Variants in GRIK3 observed in about 807,000 individuals in gnomAD.
GRIK3 encodes glutamate receptor ionotropic, kainate 3.
In GRIK3, 29 loss-of-function variants were observed where a neutral mutation model predicts 102.5. That is an observed-to-expected ratio of 0.28 (90% CI 0.21 to 0.39). The LOEUF is 0.39. Among genes scored for constraint, GRIK3 ranks in the 10% least tolerant of loss-of-function variants. The pLI is 1.00. For synonymous variants in GRIK3, 511 were observed against 504.9 expected, an observed-to-expected ratio of 1.01 and a Z score of -0.16; for missense variants, 908 against 1,252.4, an observed-to-expected ratio of 0.73 and a Z score of 4.15.
At chr1:36,981,006 C>A (rs1051954580) in intron 1 of GRIK3, among the ~76,000 whole-genome samples, 1 of 152,202 alleles carries the variant, frequency 6.6e-6, no homozygotes, top group African/African-American at 2.4e-5. Flanking sequence ...ATAGCTGAAA[C>A]ATACTGATTG....
chr1:36,879,585 T>C (rs1450144440), intron 3 of GRIK3, among the ~76,000 whole-genome samples: 1 of 152,142 alleles, frequency 6.6e-6, no homozygotes, highest in African/African-American at 2.4e-5. Flanking sequence ...ATCTGCTAGG[T>C]GTGTGCTCTG....
At chr1:36,964,463 C>T (rs968510140) in intron 1 of GRIK3, among the ~76,000 whole-genome samples, 15 of 152,310 alleles carry the variant, frequency 9.8e-5, no homozygotes, top group South Asian at 6.2e-4. Flanking sequence ...TAGACAAGTC[C>T]GGCCACTGGA....
At chr1:36,852,555 G>A (rs1244007756) in intron 8 of GRIK3, among the ~76,000 whole-genome samples, 5 of 152,230 alleles carry the variant, frequency 3.3e-5, no homozygotes, top group African/African-American at 1.2e-4. Context: ...GCAGGGCAGA[G>A]CTGTGCTTGG....
intron 4 of GRIK3, among the ~76,000 whole-genome samples, chr1:36,870,454 T>C (rs1207798252): frequency 6.6e-6 from 1 of 152,258 alleles, no homozygotes; most frequent in Non-Finnish European, 1.5e-5. Context: ...ATGACTATAA[T>C]GCATTTTCTA....
intron 1 of GRIK3, among the ~76,000 whole-genome samples, chr1:36,922,564 G>A (rs553765588): frequency 6.6e-6 from 1 of 152,182 alleles, no homozygotes; most frequent in Non-Finnish European, 1.5e-5. Context: ...CTCCCCCAAG[G>A]TGATCCAGAT....
chr1:36,867,804 C>T (rs1051571932), intron 5 of GRIK3, among the ~76,000 whole-genome samples: 3 of 152,154 alleles, frequency 2.0e-5, no homozygotes, highest in South Asian at 4.1e-4. Flanking sequence ...GTGATTAAAC[C>T]CCCTCTGGGC....
chr1:36,835,037 C>A (rs925220800), intron 10 of GRIK3, among the ~76,000 whole-genome samples: 1 of 152,216 alleles, frequency 6.6e-6, no homozygotes, highest in African/African-American at 2.4e-5. Context: ...CAGCACTGAT[C>A]AAAATCTTAA....
At chr1:36,966,766 C>CT (rs887466388) in intron 1 of GRIK3, among the ~76,000 whole-genome samples, 1 of 142,842 alleles carries the variant, frequency 7.0e-6, no homozygotes, top group African/African-American at 3.0e-5. Context: ...ATACAGACCA[C>CT]CCCCCCAACC....
chr1:36,933,246 C>A (rs757956679), intron 1 of GRIK3, among the ~76,000 whole-genome samples: 37 of 152,232 alleles, frequency 2.4e-4, no homozygotes, highest in Admixed American at 1.4e-3. Context: ...TGCCATTCCC[C>A]ACCTCTCTGC....
chr1:36,883,139 G>C (rs1201505611), intron 2 of GRIK3, among the ~76,000 whole-genome samples: 1 of 152,222 alleles, frequency 6.6e-6, no homozygotes, highest in African/African-American at 2.4e-5. Context: ...AAGATTTGCA[G>C]GGCCCAGGGC....
intron 1 of GRIK3, among the ~76,000 whole-genome samples, chr1:36,926,358 C>T (rs773559987): frequency 5.3e-5 from 8 of 151,952 alleles, no homozygotes; most frequent in Non-Finnish European, 1.0e-4. Context: ...TGAGGTTCCT[C>T]CCTCCTTTCC....
chr1:36,811,254 A>G (rs1347727575), intron 13 of GRIK3, among the ~76,000 whole-genome samples: 2 of 152,008 alleles, frequency 1.3e-5, no homozygotes, highest in African/African-American at 4.8e-5. Context: ...TGGGGAGAAA[A>G]ATCTCTATAG....
intron 1 of GRIK3, among the ~76,000 whole-genome samples, chr1:36,914,613 C>T (rs759845572): frequency 6.6e-5 from 10 of 152,274 alleles, no homozygotes; most frequent in South Asian, 6.2e-4. Context: ...AGGGCTAGAT[C>T]CTCCACATCT....
intron 1 of GRIK3, among the ~76,000 whole-genome samples, chr1:37,030,743 AT>A (rs2124093350): frequency 6.6e-6 from 1 of 152,190 alleles, no homozygotes; most frequent in African/African-American, 2.4e-5. Context: ...ACATATGCCC[AT>A]AACATGAGGA....
chr1:36,872,533 A>G lies in GRIK3; in HGVS notation c.551-164T>C, dbSNP rs1640854195. Among the ~76,000 whole-genome samples the G allele has an allele frequency of 6.6e-6, 1 of 152,196 alleles. No homozygotes were observed. The highest frequency in any genetic ancestry group is 6.5e-5 in the Admixed American group (1 of 15,284). ...AGACTTGTGCACGTGCATGGACAAC[A>G]CTGGAGAGCAGGTGTGTGTGCACAT... On this transcript the variant is annotated intron_variant, in intron 3 of 15. Transcript: ENST00000373091. The surrounding 1 kb of genome is among the most constrained non-coding windows in gnomAD (Gnocchi z 5.9).
intron 1 of GRIK3, among the ~76,000 whole-genome samples, chr1:36,894,685 G>A (rs1234023524): frequency 6.6e-6 from 1 of 152,186 alleles, no homozygotes. Flanking sequence ...TAGGAAAACC[G>A]AAAGTGTAAT....
At chr1:36,912,460 A>C (rs1570795180) in intron 1 of GRIK3, among the ~76,000 whole-genome samples, 1 of 148,696 alleles carries the variant, frequency 6.7e-6, no homozygotes, top group African/African-American at 2.5e-5. Flanking sequence ...AGTGTAACCC[A>C]CCTGCCTGCA....
chr1:36,878,648 C>A (rs911649416), intron 3 of GRIK3, among the ~76,000 whole-genome samples: 3 of 152,180 alleles, frequency 2.0e-5, no homozygotes, highest in Admixed American at 6.5e-5. Flanking sequence ...GGGACTCAAG[C>A]CTTTGGAAAG....
At chr1:36,980,904 C>T (rs956495271) in intron 1 of GRIK3, among the ~76,000 whole-genome samples, 1 of 152,176 alleles carries the variant, frequency 6.6e-6, no homozygotes, top group African/African-American at 2.4e-5. Context: ...CTAAAGCTCC[C>T]AGTATCTGTC....
Sources: gnomAD v4.1 joint callset for allele counts (sites outside exome capture counted in the v4.1 genomes callset) on GRCh38, gnomAD v4.1.1 for gene constraint, Gnocchi (gnomAD v3.1) non-coding constraint, MANE v1.5 for transcripts, NCBI Gene and HGNC (gene_info 2026-07-23, HGNC 2026-07-21) for gene names.